Variants in PAK5 observed in about 807,000 individuals in gnomAD.
PAK5 encodes serine/threonine-protein kinase PAK 5.
A neutral mutation model predicts 65.9 loss-of-function variants in PAK5; 16 were observed. The ratio of observed to expected loss-of-function variants is 0.24; its 90% CI spans 0.16 to 0.37. The LOEUF (loss-of-function observed/expected upper bound fraction) is 0.37. Ranked by LOEUF, PAK5 falls within the 10% of genes least tolerant of loss-of-function variation. The probability of loss-of-function intolerance (pLI) is 1.00; values close to 1 mark genes in which losing one functional copy is unlikely to be tolerated. For synonymous variants in PAK5, 371 were observed against 354.9 expected (o/e 1.05, Z -0.51); for missense variants, 785 against 903.9 (o/e 0.87, Z 1.69).
chr20:9,805,992 T>C (rs6056897), intron 1 of PAK5, among the ~76,000 whole-genome samples: 15,066 of 152,022 alleles, frequency 0.099, 1,110 homozygotes, highest in South Asian at 0.23. Flanking sequence ...TGAGACAGGG[T>C]TTCACTCTGT....
intron 1 of PAK5, among the ~76,000 whole-genome samples, chr20:9,735,278 G>A (rs2048376283): frequency 6.6e-6 from 1 of 152,100 alleles, no homozygotes; most frequent in Admixed American, 6.6e-5. Context: ...GAGAGAGACT[G>A]GGGTAGGGGG....
At chr20:9,675,401 T>C (rs1481678247) in intron 2 of PAK5, among the ~76,000 whole-genome samples, 1 of 152,196 alleles carries the variant, frequency 6.6e-6, no homozygotes, top group Non-Finnish European at 1.5e-5. Flanking sequence ...ACCTCAGTAC[T>C]TAGCACACAG....
At position 9,539,525 on chromosome 20, in the gene PAK5, G is replaced by C. The variant is rs200458985; in HGVS notation, c.2097C>G (p.Phe699Leu). ...AAGACGGTGGACCTGCTAGTTTTAA[G>C]AATGGATGTCCGAGGAGTTCCTGGG... ...ATAQELLGHP[F>L]LKLAGPPSCI... Residue 699 changes from phenylalanine (F) to leucine (L), a missense_variant, in exon 10 of 10, where the codon TTC (phenylalanine) becomes TTG (leucine). Phe to Leu is a conservative substitution (Grantham distance 22). Transcript: ENST00000353224. The C allele has an allele frequency of 1.4e-5, 22 of 1,613,918 alleles. No homozygotes were observed. The Admixed American group carries it at 2.5e-4, about 18-fold the overall frequency.
At chr20:9,749,623 T>A (rs2048551328) in intron 1 of PAK5, among the ~76,000 whole-genome samples, 1 of 152,204 alleles carries the variant, frequency 6.6e-6, no homozygotes, top group Non-Finnish European at 1.5e-5. Flanking sequence ...CATAGATTGA[T>A]GTAATCACAT....
intron 6 of PAK5, among the ~76,000 whole-genome samples, chr20:9,558,385 G>T (rs752223340): frequency 2.6e-5 from 4 of 152,094 alleles, no homozygotes; most frequent in Non-Finnish European, 5.9e-5. Flanking sequence ...AAAGTGCTGG[G>T]ATTACAGACA....
At chr20:9,624,010 C>T (rs1051509598) in intron 3 of PAK5, among the ~76,000 whole-genome samples, 114 of 152,146 alleles carry the variant, frequency 7.5e-4, no homozygotes, top group Middle Eastern at 6.3e-3. Context: ...TTCAATGGTA[C>T]ATACGCTTTA....
intron 2 of PAK5, among the ~76,000 whole-genome samples, chr20:9,681,993 A>C (rs1309694591): frequency 6.6e-6 from 1 of 152,186 alleles, no homozygotes; most frequent in Non-Finnish European, 1.5e-5. Flanking sequence ...AGGGTGTTGT[A>C]CAAACGCTTC....
chr20:9,690,314 C>G (rs1031665454), intron 2 of PAK5, among the ~76,000 whole-genome samples: 1 of 152,106 alleles, frequency 6.6e-6, no homozygotes, highest in Non-Finnish European at 1.5e-5. Flanking sequence ...GAAGAATTAG[C>G]TTTTGATGAA....
chr20:9,557,009 G>A (rs1459259168), intron 7 of PAK5, among the ~76,000 whole-genome samples: 1 of 152,148 alleles, frequency 6.6e-6, no homozygotes, highest in African/African-American at 2.4e-5. Flanking sequence ...CCTCCAGGCA[G>A]CTCCGAAATC....
chr20:9,594,192 G>A (rs1214351577), intron 3 of PAK5, among the ~76,000 whole-genome samples: 2 of 152,310 alleles, frequency 1.3e-5, no homozygotes, highest in East Asian at 3.9e-4. Flanking sequence ...TCAAAGCTTG[G>A]TCCCTAGGCC....
intron 1 of PAK5, among the ~76,000 whole-genome samples, chr20:9,726,482 G>A (rs369721808): frequency 1.3e-5 from 2 of 152,112 alleles, no homozygotes; most frequent in East Asian, 3.8e-4. Flanking sequence ...TCTACCTTGG[G>A]TGTTGTGTTC....
intron 1 of PAK5, among the ~76,000 whole-genome samples, chr20:9,797,695 A>C (rs139219380): frequency 0.013 from 1,925 of 150,346 alleles, 54 homozygotes; most frequent in African/African-American, 0.042. Flanking sequence ...AAAAAGAAAA[A>C]ATAAAATAAA....
intron 3 of PAK5, among the ~76,000 whole-genome samples, chr20:9,641,662 C>T (rs539794955): frequency 9.2e-5 from 14 of 152,040 alleles, no homozygotes; most frequent in East Asian, 3.9e-4. Context: ...CAGGGAGGCT[C>T]GGCCGCACAG....
At chr20:9,794,980 A>G (rs2123723982) in intron 1 of PAK5, among the ~76,000 whole-genome samples, 1 of 152,076 alleles carries the variant, frequency 6.6e-6, no homozygotes, top group African/African-American at 2.4e-5. Context: ...TCCTCTCAAC[A>G]CACACTGCTT....
chr20:9,819,357 G>A (rs944482856), intron 1 of PAK5, among the ~76,000 whole-genome samples: 3 of 152,114 alleles, frequency 2.0e-5, no homozygotes, highest in Non-Finnish European at 4.4e-5. Flanking sequence ...GATCACAAGA[G>A]GATAGGGCTA....
At chr20:9,722,291 G>C (rs2048224454) in intron 1 of PAK5, among the ~76,000 whole-genome samples, 2 of 152,098 alleles carry the variant, frequency 1.3e-5, no homozygotes. Context: ...AGACTTGTTT[G>C]GCTGAAGCAG....
intron 2 of PAK5, among the ~76,000 whole-genome samples, chr20:9,705,836 A>G (rs562237674): frequency 1.3e-5 from 2 of 152,350 alleles, no homozygotes; most frequent in Middle Eastern, 3.4e-3. Context: ...AACACAGTGT[A>G]GTATTACTTA....
intron 1 of PAK5, among the ~76,000 whole-genome samples, chr20:9,740,295 A>G (rs1021837111): frequency 3.3e-5 from 5 of 152,066 alleles, no homozygotes; most frequent in Non-Finnish European, 5.9e-5. Context: ...TTATTTGGGG[A>G]GTGGGGCATG....
chr20:9,555,608 C>G (rs545556661), intron 7 of PAK5, among the ~76,000 whole-genome samples: 4 of 152,172 alleles, frequency 2.6e-5, no homozygotes, highest in Non-Finnish European at 5.9e-5. Flanking sequence ...GACCTTTTCT[C>G]ATAGCTGTCC....
Sources: allele counts gnomAD v4.1 joint callset (sites outside exome capture counted in the v4.1 genomes callset), GRCh38; gene constraint gnomAD v4.1.1; transcripts MANE v1.5; gene names NCBI Gene and HGNC (gene_info 2026-07-23, HGNC 2026-07-21).